Variants in SUGCT observed in about 807,000 individuals in gnomAD.
SUGCT encodes succinyl-CoA:glutarate CoA-transferase.
Under a neutral mutation model 55.0 loss-of-function variants are expected in SUGCT, and 41 were observed. The observed-to-expected ratio is 0.74, with a 90% CI of 0.58 to 0.97. The LOEUF is 0.97. SUGCT is among the 50% of genes least tolerant of loss of function. The pLI is 0.00. For missense variants in SUGCT, 568 were observed against 547.8 expected, an observed-to-expected ratio of 1.04 and a Z score of -0.37; for synonymous variants, 187 against 200.4, an observed-to-expected ratio of 0.93 and a Z score of 0.56.
chr7:40,410,487 T>A lies in SUGCT; in HGVS notation c.817-38800T>A, dbSNP rs571676270. On this transcript the variant is annotated intron_variant, in intron 9 of 13. Coordinates refer to ENST00000335693, the MANE Select transcript of SUGCT (RefSeq NM_001193313.2). ...TCAGCCACTATTTTTAACTCATATA[T>A]CTTTTCTTTCAATAATTATTATACC... 5.3e-5 allele frequency among the ~76,000 whole-genome samples: 8 copies of A among 152,308 alleles called. No homozygotes were observed. In the South Asian group the frequency reaches 1.2e-3, roughly 24 times the overall value.
chr7:40,911,025 G>A, the SUGCT span, among the ~76,000 whole-genome samples: 1 of 151,882 alleles, frequency 6.6e-6, no homozygotes, highest in Non-Finnish European at 1.5e-5. Context: ...AATAAATCTG[G>A]GCTTTATTAA....
chr7:40,562,601 G>A (rs1289865150), intron 12 of SUGCT, among the ~76,000 whole-genome samples: 2 of 152,192 alleles, frequency 1.3e-5, no homozygotes, highest in African/African-American at 2.4e-5. Flanking sequence ...GAAAGGTGGA[G>A]AGACTGAAGA....
At chr7:40,148,662 A>C (rs530775691) in intron 1 of SUGCT, among the ~76,000 whole-genome samples, 1 of 152,266 alleles carries the variant, frequency 6.6e-6, no homozygotes, top group Admixed American at 6.5e-5. Context: ...AACAAAAAAC[A>C]AACAAAAAAA....
chr7:40,383,479 T>C (rs955302013), intron 9 of SUGCT, among the ~76,000 whole-genome samples: 11 of 152,200 alleles, frequency 7.2e-5, no homozygotes, highest in African/African-American at 2.7e-4. Context: ...CATCTTAAAT[T>C]ACAAAGTACT....
chr7:40,329,205 A>G (rs1446819756), intron 9 of SUGCT, among the ~76,000 whole-genome samples: 1 of 152,118 alleles, frequency 6.6e-6, no homozygotes, highest in Admixed American at 6.5e-5. Context: ...GAGTTCTGAT[A>G]TGGTACCAAT....
intron 8 of SUGCT, among the ~76,000 whole-genome samples, chr7:40,306,604 ATATTT>A (rs2151088863): frequency 6.6e-6 from 1 of 152,360 alleles, no homozygotes; most frequent in East Asian, 1.9e-4. Flanking sequence ...GAATAATGTA[ATATTT>A]TATTCTACAA....
chr7:40,544,780 G>T (rs903041012), intron 12 of SUGCT, among the ~76,000 whole-genome samples: 1 of 152,010 alleles, frequency 6.6e-6, no homozygotes, highest in Non-Finnish European at 1.5e-5. Context: ...TTATTAATTT[G>T]GTTTAGAAAA....
intron 12 of SUGCT, among the ~76,000 whole-genome samples, chr7:40,511,589 G>C (rs1792934080): frequency 6.6e-6 from 1 of 152,136 alleles, no homozygotes; most frequent in African/African-American, 2.4e-5. Flanking sequence ...GTTGAGATGG[G>C]AGTATGTGAA....
At chr7:40,750,036 C>G (rs1562980157) in intron 13 of SUGCT, among the ~76,000 whole-genome samples, 1 of 152,144 alleles carries the variant, frequency 6.6e-6, no homozygotes, top group Non-Finnish European at 1.5e-5. Flanking sequence ...CATACTAAAC[C>G]AGCTCACCAG....
chr7:40,233,614 C>T (rs1295820258), intron 6 of SUGCT, among the ~76,000 whole-genome samples: 1 of 152,078 alleles, frequency 6.6e-6, no homozygotes, highest in Non-Finnish European at 1.5e-5. Context: ...AATTTAAATG[C>T]TTAGATGTCT....
In SUGCT at chr7:40,507,846, C is replaced by T. The variant is rs554444349; in HGVS notation, c.1089+11460C>T. ...ATATGTGTACATCCTTTCTTGCATACAGAGTTGCCTGTGATCTCAGAAGGG... is the reference window on the plus strand; with the variant it reads ...ATATGTGTACATCCTTTCTTGCATATAGAGTTGCCTGTGATCTCAGAAGGG... On this transcript the variant is annotated intron_variant, in intron 12 of 13. Transcript: ENST00000335693. Among the ~76,000 whole-genome samples the T allele has an allele frequency of 2.0e-5, 3 of 152,286 alleles. No homozygotes were observed. In the East Asian group the frequency reaches 5.8e-4, roughly 29 times the overall value.
the SUGCT span, among the ~76,000 whole-genome samples, chr7:41,007,408 T>TAAAC: frequency 6.6e-6 from 1 of 152,112 alleles, no homozygotes; most frequent in Non-Finnish European, 1.5e-5. Flanking sequence ...TGGCAAAATG[T>TAAAC]AAACAAGGGG....
At chr7:40,953,101 G>A in the SUGCT span, among the ~76,000 whole-genome samples, 1 of 152,328 alleles carries the variant, frequency 6.6e-6, no homozygotes, top group Middle Eastern at 3.4e-3. Flanking sequence ...ATCAGACGTA[G>A]ATTTGGTCTT....
At chr7:40,144,600 G>A (rs887103035) in intron 1 of SUGCT, among the ~76,000 whole-genome samples, 4 of 152,160 alleles carry the variant, frequency 2.6e-5, no homozygotes, top group Non-Finnish European at 5.9e-5. Context: ...CTGGTTTACC[G>A]GAAATTCTAG....
At position 40,138,004 on chromosome 7, in the gene SUGCT, A is replaced by G. The variant is rs561496539; in HGVS notation, c.100+2884A>G. Among the ~76,000 whole-genome samples, 183 of 152,220 alleles carry G rather than the reference A, an allele frequency of 1.2e-3. 2 individuals carry two copies. The highest frequency in any genetic ancestry group is 4.3e-3 in the African/African-American group (177 of 41,556). Reference sequence around the variant, plus strand: ...CAGCCAGTTATGATTTTGTTTTGGCATATATTCATGGGGGTACAAGTGCAG... The same window carrying G: ...CAGCCAGTTATGATTTTGTTTTGGCGTATATTCATGGGGGTACAAGTGCAG... On this transcript the variant is annotated intron_variant, in intron 1 of 13. Transcript: ENST00000335693.
intron 12 of SUGCT, among the ~76,000 whole-genome samples, chr7:40,595,183 T>C (rs1797936497): frequency 6.6e-6 from 1 of 152,188 alleles, no homozygotes; most frequent in Non-Finnish European, 1.5e-5. Context: ...ACTATTGTCC[T>C]CCATATTATA....
chr7:40,618,405 G>T (rs553455365), intron 12 of SUGCT, among the ~76,000 whole-genome samples: 252 of 152,250 alleles, frequency 1.7e-3, no homozygotes, highest in African/African-American at 5.8e-3. Flanking sequence ...AACCTAACCA[G>T]ACTTCTACTG....
At position 40,436,674 on chromosome 7, in the gene SUGCT, T is replaced by A. The variant is rs1788194252; in HGVS notation, c.817-12613T>A. The stretch of plus-strand genomic sequence containing the variant: ...AGATGGTACAGAACTGTGATTATTG[T>A]AACATGTTTGAGATACAACAAAGAG... On this transcript the variant is annotated intron_variant, in intron 9 of 13. Coordinates refer to ENST00000335693, the MANE Select transcript of SUGCT (RefSeq NM_001193313.2). Among the ~76,000 whole-genome samples the A allele has an allele frequency of 5.9e-5, 9 of 152,284 alleles. No homozygotes were observed. The South Asian group carries it at 1.2e-3, about 21-fold the overall frequency.
chr7:40,249,730 T>G (rs186404772), intron 7 of SUGCT, among the ~76,000 whole-genome samples: 2 of 152,176 alleles, frequency 1.3e-5, no homozygotes, highest in African/African-American at 4.8e-5. Flanking sequence ...AGAGTTAGAG[T>G]CAGAGTTAAT....
Sources: allele counts gnomAD v4.1 joint callset (sites outside exome capture counted in the v4.1 genomes callset), GRCh38; gene constraint gnomAD v4.1.1; transcripts MANE v1.5; gene names NCBI Gene and HGNC (gene_info 2026-07-23, HGNC 2026-07-21).